The following SNTG1 variants were observed in gnomAD, a reference collection of about 807,000 sequenced individuals.
SNTG1 encodes gamma-1-syntrophin.
Under a neutral mutation model 74.7 loss-of-function variants are expected in SNTG1, and 39 were observed. The ratio of observed to expected loss-of-function variants is 0.52; its 90% CI spans 0.40 to 0.68. SNTG1 has a LOEUF of 0.68. Ranked by LOEUF, SNTG1 falls within the 30% of genes least tolerant of loss-of-function variation. SNTG1 has a pLI of 0.00. For synonymous variants in SNTG1, 254 were observed against 217.1 expected (o/e 1.17, Z -1.49); for missense variants, 685 against 609.5 (o/e 1.12, Z -1.30).
intron 1 of SNTG1, among the ~76,000 whole-genome samples, chr8:49,971,831 G>A (rs1037902178): frequency 3.3e-5 from 5 of 152,114 alleles, no homozygotes; most frequent in East Asian, 1.9e-4. Flanking sequence ...CCTCTTCAAG[G>A]AGAACTACAA....
chr8:50,413,178 G>A (rs2092970902), intron 4 of SNTG1, among the ~76,000 whole-genome samples: 1 of 152,154 alleles, frequency 6.6e-6, no homozygotes, highest in African/African-American at 2.4e-5. Context: ...CATTAAATGT[G>A]AGTGTAAAGT....
chr8:50,033,609 C>T (rs1250157129), intron 1 of SNTG1, among the ~76,000 whole-genome samples: 1 of 152,128 alleles, frequency 6.6e-6, no homozygotes, highest in African/African-American at 2.4e-5. Context: ...AGCCTTTCTT[C>T]TTGGATTGTA....
At chr8:50,572,598 G>T (rs986437093) in intron 12 of SNTG1, among the ~76,000 whole-genome samples, 1 of 152,080 alleles carries the variant, frequency 6.6e-6, no homozygotes, top group African/African-American at 2.4e-5. Flanking sequence ...TTTATACATA[G>T]TCATGAGAAA....
At chr8:50,732,967 G>T (rs1433864978) in intron 17 of SNTG1, among the ~76,000 whole-genome samples, 2 of 151,726 alleles carry the variant, frequency 1.3e-5, no homozygotes, top group East Asian at 1.9e-4. Context: ...GATACAGGAG[G>T]CAAATGTGCA....
At chr8:50,619,538 C>T (rs2094907058) in intron 13 of SNTG1, among the ~76,000 whole-genome samples, 1 of 151,888 alleles carries the variant, frequency 6.6e-6, no homozygotes, top group Admixed American at 6.6e-5. Context: ...GAGACCATCC[C>T]GGCTAACACG....
chr8:50,586,165 G>T (rs1467664198), intron 12 of SNTG1, among the ~76,000 whole-genome samples: 1 of 152,094 alleles, frequency 6.6e-6, no homozygotes, highest in Admixed American at 6.5e-5. Flanking sequence ...AGACATCTTT[G>T]CTCAGCATTC....
intron 1 of SNTG1, among the ~76,000 whole-genome samples, chr8:50,060,339 G>A (rs1055676734): frequency 6.6e-6 from 1 of 151,966 alleles, no homozygotes; most frequent in African/African-American, 2.4e-5. Context: ...TTGATGGTGT[G>A]TTTTGAAGAG....
intron 1 of SNTG1, among the ~76,000 whole-genome samples, chr8:49,976,081 A>G (rs1290388251): frequency 2.0e-5 from 3 of 152,116 alleles, no homozygotes; most frequent in Non-Finnish European, 4.4e-5. Flanking sequence ...GGCAACTATT[A>G]CTAATTTTGA....
chr8:50,440,697 A>C (rs1193170218), intron 5 of SNTG1, among the ~76,000 whole-genome samples: 1 of 152,134 alleles, frequency 6.6e-6, no homozygotes, highest in Non-Finnish European at 1.5e-5. Flanking sequence ...AGTAATCCTC[A>C]GCGGCACACA....
intron 9 of SNTG1, among the ~76,000 whole-genome samples, chr8:50,509,953 G>A (rs1045270551): frequency 6.6e-6 from 1 of 152,144 alleles, no homozygotes; most frequent in Admixed American, 6.6e-5. Flanking sequence ...CCAACACTAT[G>A]TTGAATAGGA....
At chr8:50,619,314 T>A (rs942139723) in intron 13 of SNTG1, among the ~76,000 whole-genome samples, 2 of 152,218 alleles carry the variant, frequency 1.3e-5, no homozygotes, top group African/African-American at 4.8e-5. Flanking sequence ...CTTACACCCA[T>A]CTGGAGTACC....
intron 1 of SNTG1, among the ~76,000 whole-genome samples, chr8:50,100,528 CT>C (rs2080083045): frequency 6.6e-6 from 1 of 151,960 alleles, no homozygotes; most frequent in Non-Finnish European, 1.5e-5. Context: ...CACTATGTAT[CT>C]GATAAATTTG....
At chr8:50,608,156 A>G (rs1173606486) in intron 13 of SNTG1, among the ~76,000 whole-genome samples, 1 of 151,746 alleles carries the variant, frequency 6.6e-6, no homozygotes, top group Non-Finnish European at 1.5e-5. Flanking sequence ...TTTATAAAAC[A>G]TGGATATGTA....
chr8:50,053,021 C>A (rs1193434947), intron 1 of SNTG1, among the ~76,000 whole-genome samples: 1 of 152,026 alleles, frequency 6.6e-6, no homozygotes, highest in Non-Finnish European at 1.5e-5. Context: ...AAATATTTAG[C>A]CTAGAGTTCT....
chr8:50,562,404 G>A (rs2094493704), intron 12 of SNTG1, among the ~76,000 whole-genome samples: 1 of 152,170 alleles, frequency 6.6e-6, no homozygotes. Context: ...AGTGAAAGAG[G>A]AACTGAACCC....
At chr8:50,480,673 A>G (rs894548911) in intron 8 of SNTG1, among the ~76,000 whole-genome samples, 5 of 152,206 alleles carry the variant, frequency 3.3e-5, no homozygotes, top group African/African-American at 1.2e-4. Context: ...CAGTGACCCA[A>G]TGTTGAAGGT....
chr8:49,992,313 A>G (rs1168450023), intron 1 of SNTG1, among the ~76,000 whole-genome samples: 1 of 152,202 alleles, frequency 6.6e-6, no homozygotes, highest in Non-Finnish European at 1.5e-5. Flanking sequence ...AGCAAGTTCT[A>G]CAGGGACTAA....
chr8:49,964,106 A>C (rs1294532101), intron 1 of SNTG1, among the ~76,000 whole-genome samples: 1 of 152,204 alleles, frequency 6.6e-6, no homozygotes, highest in Non-Finnish European at 1.5e-5. Context: ...CAGTACCTAG[A>C]TATTTGGTTA....
At chr8:50,781,866 T>G (rs547518633) in intron 18 of SNTG1, among the ~76,000 whole-genome samples, 1 of 152,338 alleles carries the variant, frequency 6.6e-6, no homozygotes, top group East Asian at 1.9e-4. Flanking sequence ...CCATGTTTAG[T>G]GCTTCCTTCA....
Sources: allele counts gnomAD v4.1 joint callset (sites outside exome capture counted in the v4.1 genomes callset), GRCh38; gene constraint gnomAD v4.1.1; transcripts MANE v1.5; gene names NCBI Gene and HGNC (gene_info 2026-07-23, HGNC 2026-07-21).